The following NHSL1 variants were observed in gnomAD, a reference collection of about 807,000 sequenced individuals.
NHSL1 encodes the protein NHS-like protein 1.
A neutral mutation model predicts 95.0 loss-of-function variants in NHSL1; 48 were observed. The ratio of observed to expected loss-of-function variants is 0.51; its 90% CI spans 0.40 to 0.64. The LOEUF is 0.64. Among genes scored for constraint, NHSL1 ranks in the 30% least tolerant of loss-of-function variants. The pLI is 0.00. For synonymous variants in NHSL1, 783 were observed against 833.9 expected, an observed-to-expected ratio of 0.94 and a Z score of 1.05; for missense variants, 1,971 against 2,077.7, an observed-to-expected ratio of 0.95 and a Z score of 1.00.
At chr6:138,678,611 T>C (rs1002824281) in intron 1 of NHSL1, among the ~76,000 whole-genome samples, 2 of 152,220 alleles carry the variant, frequency 1.3e-5, no homozygotes, top group Admixed American at 1.3e-4. Flanking sequence ...TTAAACACAT[T>C]ACAGAGGCAG....
chr6:138,479,850 C>T (rs541827331), intron 2 of NHSL1, among the ~76,000 whole-genome samples: 5 of 152,052 alleles, frequency 3.3e-5, no homozygotes, highest in Admixed American at 6.5e-5. Context: ...AGGAAGCATA[C>T]GATGCAGTGA....
chr6:138,428,304 C>A (rs1345985090), intron 7 of NHSL1, among the ~76,000 whole-genome samples: 1 of 152,130 alleles, frequency 6.6e-6, no homozygotes, highest in African/African-American at 2.4e-5. Context: ...GGTTAAATAC[C>A]AGTTGGTTTC....
At chr6:138,426,691 T>A (rs1775286157) in intron 7 of NHSL1, among the ~76,000 whole-genome samples, 1 of 152,112 alleles carries the variant, frequency 6.6e-6, no homozygotes, top group Non-Finnish European at 1.5e-5. Context: ...TGGCGTCATC[T>A]CCATTCTTCT....
chr6:138,543,709 A>C (rs1267203548), intron 1 of NHSL1, among the ~76,000 whole-genome samples: 1 of 152,226 alleles, frequency 6.6e-6, no homozygotes, highest in Non-Finnish European at 1.5e-5. Flanking sequence ...AGTAGCTCTT[A>C]CTATTCTTCT....
Position 138,499,227 on chromosome 6 carries a change from A to G in NHSL1, c.58+6T>C. On this transcript the variant is annotated splice_donor_region_variant and intron_variant, in intron 1 of 7. Transcript: ENST00000343505. ...ATAGGTAGTAGAGAGAAAAGGAACTACTTACTTTTCTTCTTAAAAAGTTTA... is the reference window on the plus strand; with the variant it reads ...ATAGGTAGTAGAGAGAAAAGGAACTGCTTACTTTTCTTCTTAAAAAGTTTA... 1 of 1,529,524 alleles carries G rather than the reference A, an allele frequency of 6.5e-7. No homozygotes were observed. Among genetic ancestry groups the G allele is most frequent in the South Asian group, 1.2e-5 (1 of 83,568 alleles). The allele number at this position is 1,529,524 out of a possible 1,614,324, so 94.7% of individuals were successfully genotyped here. A position where few individuals can be genotyped will look rare whatever the true frequency, so the allele number is the denominator to read the frequency against.
chr6:138,513,275 C>A (rs1383316019), intron 1 of NHSL1, among the ~76,000 whole-genome samples: 2 of 152,162 alleles, frequency 1.3e-5, no homozygotes, highest in Non-Finnish European at 2.9e-5. Flanking sequence ...AATTTTCTAA[C>A]CTTTATGAAA....
intron 3 of NHSL1, among the ~76,000 whole-genome samples, chr6:138,457,974 C>T (rs377072406): frequency 6.1e-5 from 9 of 148,402 alleles, no homozygotes; most frequent in East Asian, 4.0e-4. Flanking sequence ...TGCCACTGTA[C>T]TCCAGACTAG....
At chr6:138,546,449 A>C (rs1410226554), upstream of NHSL1, among the ~76,000 whole-genome samples, 2 of 148,436 alleles carry the variant, frequency 1.3e-5, no homozygotes, top group East Asian at 2.0e-4. Flanking sequence ...AAAAAAAAAA[A>C]AAAAAAAAAA....
At chr6:138,477,566 G>A (rs1779153696) in intron 2 of NHSL1, among the ~76,000 whole-genome samples, 1 of 152,194 alleles carries the variant, frequency 6.6e-6, no homozygotes, top group African/African-American at 2.4e-5. Flanking sequence ...TTGGGCTACT[G>A]CACTCCAGCC....
chr6:138,425,151 C>T (rs940075444), intron 7 of NHSL1, among the ~76,000 whole-genome samples: 4 of 152,146 alleles, frequency 2.6e-5, no homozygotes, highest in African/African-American at 4.8e-5. Context: ...AGTGCAATAG[C>T]GCAATCTCAG....
At chr6:138,540,762 A>ATCC (rs1782547866) in intron 1 of NHSL1, among the ~76,000 whole-genome samples, 1 of 152,226 alleles carries the variant, frequency 6.6e-6, no homozygotes, top group Non-Finnish European at 1.5e-5. Context: ...CTAAATCAGT[A>ATCC]ACTTGTGAAG....
chr6:138,572,864 T>TAGATAGATAGATAGAC (rs1783892494), upstream of NHSL1, among the ~76,000 whole-genome samples: 1 of 151,970 alleles, frequency 6.6e-6, no homozygotes, highest in African/African-American at 2.4e-5. Context: ...GATAGATAGA[T>TAGATAGATAGATAGAC]AGATAGATAG....
At chr6:138,534,734 A>G (rs1007298113) in intron 1 of NHSL1, among the ~76,000 whole-genome samples, 2 of 152,220 alleles carry the variant, frequency 1.3e-5, no homozygotes, top group Non-Finnish European at 2.9e-5. Flanking sequence ...GGCTGCATTT[A>G]GTACACAGAT....
intron 5 of NHSL1, among the ~76,000 whole-genome samples, chr6:138,440,892 G>A (rs952540296): frequency 1.3e-5 from 2 of 152,170 alleles, no homozygotes; most frequent in African/African-American, 4.8e-5. Context: ...ACTTTTGAGA[G>A]TAAATAAAAA....
chr6:138,691,190 A>T (rs991379268), intron 1 of NHSL1, among the ~76,000 whole-genome samples: 3 of 152,350 alleles, frequency 2.0e-5, no homozygotes, highest in African/African-American at 7.2e-5. Context: ...TGATTATGTC[A>T]ACAACCTTAT....
intron 1 of NHSL1, among the ~76,000 whole-genome samples, chr6:138,622,928 G>A (rs1261177023): frequency 6.6e-6 from 1 of 152,192 alleles, no homozygotes; most frequent in Admixed American, 6.5e-5. Context: ...CAGGGCAGAG[G>A]CGATAAAGTA....
chr6:138,616,594 A>G (rs369342434), intron 1 of NHSL1, among the ~76,000 whole-genome samples: 16 of 152,140 alleles, frequency 1.1e-4, no homozygotes, highest in African/African-American at 3.9e-4. Flanking sequence ...ATTTGGGTGT[A>G]CCTTCCCATC....
At chr6:138,551,299 C>T (rs1040914735) in intron 1 of NHSL1, among the ~76,000 whole-genome samples, 2 of 152,172 alleles carry the variant, frequency 1.3e-5, no homozygotes, top group Admixed American at 6.5e-5. Flanking sequence ...ACAGGCAATG[C>T]TTATTTTCAT....
upstream of NHSL1, among the ~76,000 whole-genome samples, chr6:138,504,138 G>A (rs1393627942): frequency 6.6e-6 from 1 of 152,120 alleles, no homozygotes; most frequent in East Asian, 1.9e-4. Flanking sequence ...AGGAAGCTGA[G>A]GCAGGAAGAT....
Sources: gnomAD v4.1 joint callset for allele counts (sites outside exome capture counted in the v4.1 genomes callset) on GRCh38, gnomAD v4.1.1 for gene constraint, MANE v1.5 for transcripts, NCBI Gene and HGNC (gene_info 2026-07-23, HGNC 2026-07-21) for gene names.